Variants in DTNA observed in about 807,000 individuals in gnomAD.
DTNA encodes dystrobrevin alpha.
Under a neutral mutation model 100.7 loss-of-function variants are expected in DTNA, and 43 were observed. The ratio of observed to expected loss-of-function variants is 0.43; its 90% CI spans 0.33 to 0.55. The LOEUF is 0.55. Among genes scored for constraint, DTNA ranks in the 20% least tolerant of loss-of-function variants. The pLI is 0.04. For missense variants in DTNA, 798 were observed against 953.9 expected (o/e 0.84, Z 2.15); for synonymous variants, 349 against 347.9 (o/e 1.00, Z -0.04).
At chr18:34,511,360 G>T (rs1259969760) in intron 1 of DTNA, among the ~76,000 whole-genome samples, 1 of 152,114 alleles carries the variant, frequency 6.6e-6, no homozygotes, top group East Asian at 1.9e-4. Flanking sequence ...AGTATTATTA[G>T]CTCTAATTTC....
chr18:34,543,526 T>TA (rs1283718928), intron 1 of DTNA, among the ~76,000 whole-genome samples: 5 of 152,062 alleles, frequency 3.3e-5, no homozygotes, highest in Non-Finnish European at 2.9e-5. Context: ...CTGCACCTGT[T>TA]ACAATTCTCA....
At chr18:34,662,318 A>G (rs1272123634) in intron 1 of DTNA, among the ~76,000 whole-genome samples, 1 of 152,152 alleles carries the variant, frequency 6.6e-6, no homozygotes, top group Non-Finnish European at 1.5e-5. Context: ...ACCTATTTCC[A>G]TCATTTACAT....
At chr18:34,784,400 T>A (rs113230524) in intron 3 of DTNA, among the ~76,000 whole-genome samples, 4 of 152,214 alleles carry the variant, frequency 2.6e-5, no homozygotes, top group African/African-American at 9.6e-5. Flanking sequence ...AAAATCTAAA[T>A]GCACCATCAT....
At chr18:34,600,139 A>C (rs1395747505) in intron 1 of DTNA, among the ~76,000 whole-genome samples, 5 of 152,232 alleles carry the variant, frequency 3.3e-5, no homozygotes, top group African/African-American at 1.2e-4. Context: ...TCTCTTGTTT[A>C]GGAGATACTT....
upstream of DTNA, among the ~76,000 whole-genome samples, chr18:34,707,769 A>C (rs2082300756): frequency 6.6e-6 from 1 of 152,182 alleles, no homozygotes; most frequent in South Asian, 2.1e-4. Flanking sequence ...AAATTATTCA[A>C]ATAGTCTCTC....
At chr18:34,738,880 C>A (rs1305665941) in intron 1 of DTNA, among the ~76,000 whole-genome samples, 1 of 152,116 alleles carries the variant, frequency 6.6e-6, no homozygotes, top group Non-Finnish European at 1.5e-5. Context: ...ACAAGTTTTG[C>A]AGAGAAAAGC....
chr18:34,753,334 G>GTGAT (rs1338325787), intron 1 of DTNA, among the ~76,000 whole-genome samples: 35 of 40,242 alleles, frequency 8.7e-4, no homozygotes, highest in South Asian at 1.4e-3. Context: ...ACCATCCTTT[G>GTGAT]TGATTTATTT....
intron 1 of DTNA, among the ~76,000 whole-genome samples, chr18:34,723,533 T>C (rs1160097620): frequency 6.6e-6 from 1 of 152,128 alleles, no homozygotes; most frequent in Admixed American, 6.5e-5. Flanking sequence ...TAAATATAAT[T>C]TGTGCAAAAT....
intron 17 of DTNA, among the ~76,000 whole-genome samples, chr18:34,873,823 G>C (rs1018187541): frequency 3.9e-5 from 6 of 152,192 alleles, no homozygotes; most frequent in African/African-American, 1.4e-4. Flanking sequence ...AGCTGCCAGA[G>C]TTTGCTGGGG....
chr18:34,644,619 T>C (rs2059637295), intron 1 of DTNA, among the ~76,000 whole-genome samples: 1 of 152,138 alleles, frequency 6.6e-6, no homozygotes, highest in Non-Finnish European at 1.5e-5. Context: ...CTGAGAAATA[T>C]ACAATTTGGC....
chr18:34,618,271 A>G (rs908838449), intron 1 of DTNA, among the ~76,000 whole-genome samples: 11 of 152,188 alleles, frequency 7.2e-5, no homozygotes, highest in African/African-American at 2.4e-4. Flanking sequence ...TTGCCAGCCT[A>G]AAGTATCTCA....
rs148667459 is a variant in DTNA, at chr18:34,860,552, A to G, written c.1646+2154A>G. 1.8e-4 allele frequency among the ~76,000 whole-genome samples: 28 copies of G among 152,308 alleles called. No homozygotes were observed. The East Asian group carries it at 5.2e-3, about 28-fold the overall frequency. On this transcript the variant is annotated intron_variant, in intron 16 of 22. Transcript: ENST00000444659. ...TTCTTTATGACTATGTTTGGATTTT[A>G]CCAAGTTCCTGTTGATTGCATGGAT... is the stretch of plus-strand genomic sequence containing the variant.
intron 1 of DTNA, among the ~76,000 whole-genome samples, chr18:34,599,198 T>C (rs2051272226): frequency 6.6e-6 from 1 of 152,232 alleles, no homozygotes; most frequent in African/African-American, 2.4e-5. Context: ...GGCTTCAGAA[T>C]GTATCTTCAG....
chr18:34,865,563 T>C (rs1358251384), intron 17 of DTNA, among the ~76,000 whole-genome samples: 1 of 152,248 alleles, frequency 6.6e-6, no homozygotes, highest in Non-Finnish European at 1.5e-5. Flanking sequence ...CAATTCTTGT[T>C]GATCTATCTT....
intron 1 of DTNA, among the ~76,000 whole-genome samples, chr18:34,700,635 T>C (rs1412712440): frequency 6.6e-6 from 1 of 152,236 alleles, no homozygotes; most frequent in Non-Finnish European, 1.5e-5. Context: ...TGAGCTTTGT[T>C]GCAGAAAACC....
intron 4 of DTNA, among the ~76,000 whole-genome samples, chr18:34,800,107 G>A (rs1300777391): frequency 6.6e-6 from 1 of 152,140 alleles, no homozygotes; most frequent in East Asian, 1.9e-4. Flanking sequence ...CAGCCATAAA[G>A]CCAATCATTA....
chr18:34,665,377 A>G (rs955811291), intron 1 of DTNA, among the ~76,000 whole-genome samples: 3 of 152,136 alleles, frequency 2.0e-5, no homozygotes, highest in Non-Finnish European at 2.9e-5. Context: ...TATGAAAACA[A>G]GATTTATGAT....
chr18:34,828,986 A>G, intron 10 of DTNA: 1 of 1,595,094 alleles, frequency 6.3e-7, no homozygotes, highest in South Asian at 1.1e-5. Context: ...CATTCTGCAA[A>G]TATCAAGCAG....
chr18:34,513,743 C>T (rs2041316786), intron 1 of DTNA: 1 of 152,062 alleles, frequency 6.6e-6, no homozygotes. Flanking sequence ...TTGTATGAAA[C>T]ATGAGAAAAT....
Sources: allele counts gnomAD v4.1 joint callset (sites outside exome capture counted in the v4.1 genomes callset), GRCh38; gene constraint gnomAD v4.1.1; transcripts MANE v1.5; gene names NCBI Gene and HGNC (gene_info 2026-07-23, HGNC 2026-07-21).